CCDC171: variants seen among roughly 807,000 people sequenced by gnomAD.
The protein encoded by CCDC171 is coiled-coil domain-containing protein 171.
Under a neutral mutation model 168.2 loss-of-function variants are expected in CCDC171, and 177 were observed. The ratio of observed to expected loss-of-function variants is 1.05; its 90% CI spans 0.93 to 1.19. The LOEUF (loss-of-function observed/expected upper bound fraction) is 1.19, where lower values mean the gene tolerates loss of function less well. CCDC171 is among the 50% of genes most tolerant of loss of function. CCDC171 has a pLI of 0.00. For synonymous variants in CCDC171, 687 were observed against 540.8 expected, an observed-to-expected ratio of 1.27 and a Z score of -3.75; for missense variants, 1,991 against 1,539.0, an observed-to-expected ratio of 1.29 and a Z score of -4.91.
At chr9:15,774,139 G>A (rs185958834) in intron 18 of CCDC171, among the ~76,000 whole-genome samples, 116 of 150,700 alleles carry the variant, frequency 7.7e-4, no homozygotes, top group African/African-American at 2.6e-3. Context: ...CCAGCTACTC[G>A]GGAGGCTGAA....
At chr9:15,621,547 A>G (rs978737552) in intron 6 of CCDC171, among the ~76,000 whole-genome samples, 2 of 152,184 alleles carry the variant, frequency 1.3e-5, no homozygotes, top group Non-Finnish European at 2.9e-5. Flanking sequence ...AATCTTATGA[A>G]TAAGGGGATT....
chr9:15,653,983 C>G (rs997605514), intron 7 of CCDC171, among the ~76,000 whole-genome samples: 1 of 152,116 alleles, frequency 6.6e-6, no homozygotes, highest in African/African-American at 2.4e-5. Flanking sequence ...CATCAGATAT[C>G]CAAATGTCCT....
At chr9:16,027,934 C>T (rs1564126619) in intron 6 of CCDC171, among the ~76,000 whole-genome samples, 1 of 152,080 alleles carries the variant, frequency 6.6e-6, no homozygotes, top group Non-Finnish European at 1.5e-5. Context: ...TTATATCTTC[C>T]CATATTATTT....
intron 25 of CCDC171, among the ~76,000 whole-genome samples, chr9:15,964,479 A>G (rs1830614620): frequency 6.6e-6 from 1 of 152,092 alleles, no homozygotes; most frequent in Non-Finnish European, 1.5e-5. Flanking sequence ...GACAGAGGGG[A>G]AAATGCCCCT....
chr9:15,784,540 C>T lies in CCDC171; in HGVS notation c.3113C>T (p.Ala1038Val). 6.2e-7 allele frequency: 1 copy of T among 1,612,882 alleles called. No individual in the cohort carries two copies. The highest frequency in any genetic ancestry group is 8.5e-7 in the Non-Finnish European group (1 of 1,179,266). The change falls in exon 21 of 26, where the codon GCA (alanine) becomes GTA (valine). Residue 1038 changes from alanine (A) to valine (V), a missense_variant. Ala to Val is a moderately conservative substitution (Grantham distance 64). Transcript: ENST00000380701. ...ATCACCCATGAGAAGTTTGAAAGTG[C>T]ATGTGAAGAACTAAATAATGCATTA... ...KLITHEKFESACEELNNALLR... is the reference protein window; with the variant it reads ...KLITHEKFESVCEELNNALLR...
intron 8 of CCDC171, among the ~76,000 whole-genome samples, chr9:15,659,988 CTTAAT>C (rs1416577519): frequency 6.6e-6 from 1 of 152,092 alleles, no homozygotes; most frequent in Non-Finnish European, 1.5e-5. Flanking sequence ...GTCTAAATTA[CTTAAT>C]TTAATTTACA....
At position 15,623,469 on chromosome 9, in the gene CCDC171, G is replaced by GCGCGCGCA; in HGVS notation, c.822+58_822+65dup. On this transcript the variant is annotated intron_variant, in intron 7 of 25. Transcript: ENST00000380701. ...TGCGTACAAACTTTCACATATGCGCGCGCGCGCACACACACACACACACAC... is the reference window on the plus strand; with the variant it reads ...TGCGTACAAACTTTCACATATGCGCGCGCGCGCACGCGCGCACACACACACACACACAC... 3.8e-6 allele frequency: 2 copies of GCGCGCGCA among 529,880 alleles called. 1 individual carries two copies. The highest frequency in any genetic ancestry group is 6.0e-6 in the Non-Finnish European group (2 of 332,140). The allele number at this position is 529,880 out of a possible 1,614,324, so 32.8% of individuals were successfully genotyped here.
intron 7 of CCDC171, among the ~76,000 whole-genome samples, chr9:15,648,869 A>T (rs1220357593): frequency 1.3e-5 from 2 of 152,160 alleles, no homozygotes; most frequent in African/African-American, 4.8e-5. Flanking sequence ...GCTACCAATG[A>T]CTTTCTTCAC....
chr9:15,674,834 C>G (rs2049398632), intron 9 of CCDC171, among the ~76,000 whole-genome samples: 1 of 152,136 alleles, frequency 6.6e-6, no homozygotes, highest in Non-Finnish European at 1.5e-5. Flanking sequence ...AATGTATATT[C>G]TGTTGATTTG....
At chr9:15,746,414 A>T (rs1257781138) in intron 18 of CCDC171, among the ~76,000 whole-genome samples, 1 of 152,218 alleles carries the variant, frequency 6.6e-6, no homozygotes, top group Non-Finnish European at 1.5e-5. Context: ...AAACTTAAAG[A>T]TTATTTTTAA....
the CCDC171 span, among the ~76,000 whole-genome samples, chr9:16,097,227 G>T: frequency 6.7e-6 from 1 of 150,064 alleles, no homozygotes. Flanking sequence ...AGATGAGATA[G>T]AATGCTTATG....
At chr9:15,795,479 T>A (rs2058504641) in intron 21 of CCDC171, among the ~76,000 whole-genome samples, 1 of 152,148 alleles carries the variant, frequency 6.6e-6, no homozygotes. Flanking sequence ...TAGCCAAGCT[T>A]AAAGAGAGCA....
chr9:15,631,500 T>A (rs2045694157), intron 7 of CCDC171, among the ~76,000 whole-genome samples: 1 of 152,124 alleles, frequency 6.6e-6, no homozygotes, highest in African/African-American at 2.4e-5. Flanking sequence ...AATAGACCAA[T>A]AACAGGCTCT....
chr9:15,589,640 C>T (rs1587195185), intron 4 of CCDC171, among the ~76,000 whole-genome samples: 1 of 152,092 alleles, frequency 6.6e-6, no homozygotes, highest in Admixed American at 6.5e-5. Context: ...AATTGAAATA[C>T]CTGCCTACAA....
intron 1 of CCDC171, among the ~76,000 whole-genome samples, chr9:16,045,088 G>A (rs1351385859): frequency 1.3e-5 from 2 of 152,182 alleles, no homozygotes; most frequent in African/African-American, 4.8e-5. Context: ...GTGGTGGAGA[G>A]TGCTTCTTCT....
intron 6 of CCDC171, among the ~76,000 whole-genome samples, chr9:16,023,281 T>C (rs1353524891): frequency 1.3e-5 from 2 of 152,212 alleles, no homozygotes; most frequent in African/African-American, 4.8e-5. Context: ...GATTTATTTA[T>C]GTTTCTGAAA....
chr9:15,967,336 T>C (rs553321199), intron 25 of CCDC171, among the ~76,000 whole-genome samples: 2 of 152,340 alleles, frequency 1.3e-5, no homozygotes, highest in South Asian at 4.1e-4. Context: ...GCTTAAAACA[T>C]CATCATGGAG....
downstream of CCDC171, among the ~76,000 whole-genome samples, chr9:15,976,807 T>C (rs1402036676): frequency 6.6e-6 from 1 of 152,112 alleles, no homozygotes; most frequent in Admixed American, 6.6e-5. Flanking sequence ...ATTTTTACAA[T>C]GTACTATGTG....
chr9:15,790,918 A>G, intron 21 of CCDC171, among the ~76,000 whole-genome samples: 2 of 152,074 alleles, frequency 1.3e-5, no homozygotes, highest in Non-Finnish European at 2.9e-5. Context: ...GACATGTGGT[A>G]TTATTTCTGA....
Sources: gnomAD v4.1 joint callset for allele counts (sites outside exome capture counted in the v4.1 genomes callset) on GRCh38, gnomAD v4.1.1 for gene constraint, MANE v1.5 for transcripts, NCBI Gene and HGNC (gene_info 2026-07-23, HGNC 2026-07-21) for gene names.